GALNTL6: variants seen among roughly 807,000 people sequenced by gnomAD.
The protein encoded by GALNTL6 is polypeptide N-acetylgalactosaminyltransferase-like 6.
A neutral mutation model predicts 73.7 loss-of-function variants in GALNTL6; 46 were observed. The observed-to-expected ratio is 0.62, with a 90% CI of 0.49 to 0.80. The LOEUF is 0.80. Among genes scored for constraint, GALNTL6 ranks in the 30% least tolerant of loss-of-function variants. GALNTL6 has a pLI of 0.00. For synonymous variants in GALNTL6, 259 were observed against 263.7 expected, an observed-to-expected ratio of 0.98 and a Z score of 0.17; for missense variants, 604 against 755.0, an observed-to-expected ratio of 0.80 and a Z score of 2.34.
chr4:172,697,131 A>T (rs1190949326), intron 5 of GALNTL6, among the ~76,000 whole-genome samples: 2 of 152,166 alleles, frequency 1.3e-5, no homozygotes. Flanking sequence ...TGAAATTAAA[A>T]TTTTCCAAAT....
At chr4:172,098,244 A>G (rs1003274057) in intron 2 of GALNTL6, among the ~76,000 whole-genome samples, 1 of 152,104 alleles carries the variant, frequency 6.6e-6, no homozygotes, top group African/African-American at 2.4e-5. Context: ...TCTATCATCT[A>G]TCTAATAAGA....
intron 5 of GALNTL6, among the ~76,000 whole-genome samples, chr4:172,712,859 C>A (rs1373486538): frequency 6.6e-6 from 1 of 152,120 alleles, no homozygotes; most frequent in Non-Finnish European, 1.5e-5. Context: ...AAGTTGAGAA[C>A]ATAGATTTTG....
intron 8 of GALNTL6, among the ~76,000 whole-genome samples, chr4:172,925,022 C>G (rs1747977936): frequency 1.3e-5 from 2 of 152,020 alleles, no homozygotes; most frequent in African/African-American, 4.8e-5. Context: ...CAGGTGCCTG[C>G]CACCACGCCC....
chr4:172,337,334 G>A (rs1165116195), intron 4 of GALNTL6, among the ~76,000 whole-genome samples: 1 of 152,042 alleles, frequency 6.6e-6, no homozygotes, highest in Non-Finnish European at 1.5e-5. Context: ...GAAGTTAACT[G>A]GTTGCTTTGT....
chr4:172,265,895 A>G (rs1156351461), intron 3 of GALNTL6, among the ~76,000 whole-genome samples: 1 of 152,088 alleles, frequency 6.6e-6, no homozygotes, highest in Non-Finnish European at 1.5e-5. Flanking sequence ...AACTGGAAAA[A>G]AAAAGTTTGA....
chr4:171,969,795 A>G (rs1739507159), intron 2 of GALNTL6, among the ~76,000 whole-genome samples: 1 of 146,464 alleles, frequency 6.8e-6, no homozygotes. Flanking sequence ...CTTGAGATGG[A>G]GTCTCACTCT....
intron 2 of GALNTL6, among the ~76,000 whole-genome samples, chr4:172,011,907 C>A (rs929175378): frequency 6.6e-6 from 1 of 151,918 alleles, no homozygotes; most frequent in African/African-American, 2.4e-5. Context: ...TTTCATAGTG[C>A]AATAGGGTGA....
intron 8 of GALNTL6, among the ~76,000 whole-genome samples, chr4:172,893,398 C>G (rs551494772): frequency 6.6e-6 from 1 of 151,512 alleles, no homozygotes; most frequent in Non-Finnish European, 1.5e-5. Context: ...CAGCTCCAAA[C>G]CCCTGGACAG....
chr4:172,472,301 A>C (rs1024939899), intron 5 of GALNTL6, among the ~76,000 whole-genome samples: 1 of 152,228 alleles, frequency 6.6e-6, no homozygotes, highest in Admixed American at 6.5e-5. Flanking sequence ...AAGAAGTTCA[A>C]TAATTGTTCT....
At chr4:172,646,634 A>T (rs1052703541) in intron 5 of GALNTL6, among the ~76,000 whole-genome samples, 4 of 152,026 alleles carry the variant, frequency 2.6e-5, no homozygotes, top group African/African-American at 9.7e-5. Flanking sequence ...ATTTTACTAC[A>T]TTTACACTAA....
rs1749486135 is a variant in GALNTL6, at chr4:172,952,236, C to T, written c.1349C>T (p.Pro450Leu). Reference protein sequence around the residue: ...DVPKYYPPVEPPPAAWGEIRN... With the variant: ...DVPKYYPPVELPPAAWGEIRN... ...CCTAAATACTACCCTCCAGTGGAGCCCCCGCCTGCTGCCTGGGGGGAGGTG... is the reference window on the plus strand; with the variant it reads ...CCTAAATACTACCCTCCAGTGGAGCTCCCGCCTGCTGCCTGGGGGGAGGTG... Residue 450 changes from proline to leucine, a missense_variant, in exon 10 of 13, where the codon CCC (proline) becomes CTC (leucine). Around this residue, in one of 5 missense-constraint regions of GALNTL6, gnomAD observed 261 missense variants for 296.5 expected, o/e 0.88. Coordinates refer to ENST00000506823, the MANE Select transcript of GALNTL6 (RefSeq NM_001034845.3). 5 of 1,613,868 alleles carry T rather than the reference C, an allele frequency of 3.1e-6. No homozygotes were observed. Among genetic ancestry groups the T allele is most frequent in the Admixed American group, 3.3e-5 (2 of 60,000 alleles).
chr4:172,842,256 T>C (rs931623136), intron 7 of GALNTL6, among the ~76,000 whole-genome samples: 5 of 152,234 alleles, frequency 3.3e-5, no homozygotes, highest in Non-Finnish European at 7.3e-5. Context: ...GGATCCATCA[T>C]TTTTCATTGT....
At chr4:172,451,095 A>T (rs1732192119) in intron 5 of GALNTL6, among the ~76,000 whole-genome samples, 1 of 152,334 alleles carries the variant, frequency 6.6e-6, no homozygotes, top group South Asian at 2.1e-4. Flanking sequence ...TTCTAGAAAC[A>T]GGTCTCTATT....
rs184191778 is a variant in GALNTL6, at chr4:172,431,557, A to G, written c.553+82868A>G. Among the ~76,000 whole-genome samples, 182 of 152,270 alleles carry G rather than the reference A, an allele frequency of 1.2e-3. 1 individual carries two copies. The highest frequency in any genetic ancestry group is 4.3e-3 in the African/African-American group (179 of 41,576). On this transcript the variant is annotated intron_variant, in intron 5 of 12. Coordinates refer to ENST00000506823, the MANE Select transcript of GALNTL6 (RefSeq NM_001034845.3). Reference sequence around the variant, plus strand: ...GCCATGTAAGAATGTTAATGGAAGTATGATTGCTCTAAAAATTCAGAATGA... The same window carrying G: ...GCCATGTAAGAATGTTAATGGAAGTGTGATTGCTCTAAAAATTCAGAATGA...
chr4:172,845,731 T>C (rs1283483685), intron 7 of GALNTL6, among the ~76,000 whole-genome samples: 1 of 152,216 alleles, frequency 6.6e-6, no homozygotes, highest in Non-Finnish European at 1.5e-5. Flanking sequence ...TATTTTTAAA[T>C]GATTTGTAAA....
At position 172,359,600 on chromosome 4, in the gene GALNTL6, C is replaced by A. The variant is rs116019365; in HGVS notation, c.553+10911C>A. 2.4e-3 allele frequency among the ~76,000 whole-genome samples: 371 copies of A among 152,134 alleles called. 2 individuals are homozygous for A. The highest frequency in any genetic ancestry group is 8.2e-3 in the African/African-American group (340 of 41,500). On this transcript the variant is annotated intron_variant, in intron 5 of 12. Transcript: ENST00000506823. ...TTGTTAAGTTTTAGCCAAACATTACCCCTACTGGAGGTATGAATTTCAAGC... is the reference window on the plus strand; with the variant it reads ...TTGTTAAGTTTTAGCCAAACATTACACCTACTGGAGGTATGAATTTCAAGC...
chr4:172,531,407 G>T lies in GALNTL6; in HGVS notation c.553+182718G>T, dbSNP rs141260224. On this transcript the variant is annotated intron_variant, in intron 5 of 12. Transcript: ENST00000506823. Reference sequence around the variant, plus strand: ...AAAAGCAGGACATTTTATATCACTTGTCCTACCCAGTGCAAATGGAAAATG... The same window carrying T: ...AAAAGCAGGACATTTTATATCACTTTTCCTACCCAGTGCAAATGGAAAATG... Among the ~76,000 whole-genome samples, 8 of 152,258 alleles carry T rather than the reference G, an allele frequency of 5.3e-5. No individual in the cohort carries two copies. In the East Asian group the frequency reaches 1.5e-3, roughly 29 times the overall value.
At chr4:171,885,523 A>C (rs1264493393) in intron 2 of GALNTL6, among the ~76,000 whole-genome samples, 1 of 152,186 alleles carries the variant, frequency 6.6e-6, no homozygotes, top group Non-Finnish European at 1.5e-5. Context: ...TGAAAATTAT[A>C]GGCTAGGCAT....
chr4:172,222,521 G>A lies in GALNTL6; in HGVS notation c.139-7135G>A, dbSNP rs537064387. On this transcript the variant is annotated intron_variant, in intron 2 of 12. Transcript: ENST00000506823. ...TAAAAGATCTCATCTGGGATGCTGAGGATTAAGGCATTCAGTTTTTTTTAT... is the reference window on the plus strand; with the variant it reads ...TAAAAGATCTCATCTGGGATGCTGAAGATTAAGGCATTCAGTTTTTTTTAT... Among the ~76,000 whole-genome samples, 134 of 151,594 alleles carry A rather than the reference G, an allele frequency of 8.8e-4. 1 individual carries two copies. Among genetic ancestry groups the A allele is most frequent in the African/African-American group, 2.9e-3 (121 of 41,298 alleles).
Sources: gnomAD v4.1 joint callset for allele counts (sites outside exome capture counted in the v4.1 genomes callset) on GRCh38, gnomAD v4.1.1 for gene constraint, gnomAD v4.1.1 regional missense constraint, MANE v1.5 for transcripts, NCBI Gene and HGNC (gene_info 2026-07-23, HGNC 2026-07-21) for gene names.